The following RASSF3 variants were observed in gnomAD, a reference collection of about 807,000 sequenced individuals.
The protein encoded by RASSF3 is ras association domain-containing protein 3.
RASSF3 carries 19 observed loss-of-function variants against 19.9 expected under a neutral mutation model. The observed-to-expected ratio is 0.96, with a 90% CI of 0.67 to 1.40. The LOEUF (loss-of-function observed/expected upper bound fraction) is 1.40, where lower values mean the gene tolerates loss of function less well. Ranked by LOEUF, RASSF3 falls within the 40% of genes most tolerant of loss-of-function variation. The pLI is 0.00. For synonymous variants in RASSF3, 110 were observed against 104.2 expected, an observed-to-expected ratio of 1.06 and a Z score of -0.34; for missense variants, 306 against 289.8, an observed-to-expected ratio of 1.06 and a Z score of -0.41.
At chr12:64,558,223 A>G (rs1407566209) in intron 2 of RASSF3, among the ~76,000 whole-genome samples, 1 of 152,168 alleles carries the variant, frequency 6.6e-6, no homozygotes, top group East Asian at 1.9e-4. Flanking sequence ...CATTGGGATG[A>G]TGCCTGGGCT....
At chr12:64,561,254 T>C (rs1227942820) in intron 2 of RASSF3, among the ~76,000 whole-genome samples, 4 of 152,166 alleles carry the variant, frequency 2.6e-5, no homozygotes, top group Non-Finnish European at 5.9e-5. Context: ...TTGTGAGTCA[T>C]AGTATAAGGA....
intron 1 of RASSF3, among the ~76,000 whole-genome samples, chr12:64,684,137 A>T (rs1873246415): frequency 6.8e-6 from 1 of 147,248 alleles, no homozygotes; most frequent in Admixed American, 6.8e-5. Flanking sequence ...CCCAGGCTAG[A>T]GCATAGTGGC....
At chr12:64,670,948 C>G (rs1485467047) in intron 1 of RASSF3, among the ~76,000 whole-genome samples, 1 of 152,204 alleles carries the variant, frequency 6.6e-6, no homozygotes, top group Non-Finnish European at 1.5e-5. Flanking sequence ...ATAAATCTCC[C>G]TAAGCCTCTA....
intron 4 of RASSF3, among the ~76,000 whole-genome samples, chr12:64,694,533 T>C (rs554032476): frequency 4.5e-4 from 69 of 152,144 alleles, no homozygotes; most frequent in African/African-American, 1.6e-3. Flanking sequence ...AGGGAGATCG[T>C]CTTGAACAGT....
At chr12:64,564,307 T>C (rs1869393646) in intron 2 of RASSF3, among the ~76,000 whole-genome samples, 1 of 152,202 alleles carries the variant, frequency 6.6e-6, no homozygotes, top group East Asian at 1.9e-4. Flanking sequence ...CTGTACTAAC[T>C]TTATTGGATT....
At chr12:64,606,424 A>G (rs1344465358), upstream of RASSF3, among the ~76,000 whole-genome samples, 2 of 152,252 alleles carry the variant, frequency 1.3e-5, no homozygotes, top group East Asian at 1.9e-4. Context: ...ATCCTATTCT[A>G]TGCCAAGGAC....
intron 1 of RASSF3, among the ~76,000 whole-genome samples, chr12:64,521,899 C>T (rs1360369578): frequency 6.6e-6 from 1 of 152,216 alleles, no homozygotes; most frequent in African/African-American, 2.4e-5. Flanking sequence ...GCTCTCCTCC[C>T]ACCTTCAGAA....
intron 2 of RASSF3, among the ~76,000 whole-genome samples, chr12:64,604,797 C>G (rs1436208610): frequency 6.6e-6 from 1 of 151,016 alleles, no homozygotes; most frequent in Non-Finnish European, 1.5e-5. Flanking sequence ...GCCACCGTGC[C>G]CAGCTAATTT....
chr12:64,684,891 C>T lies in RASSF3; in HGVS notation c.216C>T (p.Thr72=), dbSNP rs576765156. ...NLAVTDKLKM[T]LNSNGIYTGF... is the part of the protein sequence containing the mutation. The stretch of plus-strand genomic sequence containing the variant: ...CAGTCACAGACAAGTTGAAGATGAC[C>T]TTGGTAAGCACTCAAAATACTATTT... The change falls in exon 2 of 5, where the codon ACC becomes ACT. Residue 72 remains threonine, a synonymous_variant. Transcript: ENST00000542104. 51 of 1,584,236 alleles carry T rather than the reference C, an allele frequency of 3.2e-5. 1 individual carries two copies. In the South Asian group the frequency reaches 5.6e-4, roughly 18 times the overall value.
chr12:64,543,294 T>G (rs1868973381), downstream of RASSF3, among the ~76,000 whole-genome samples: 1 of 146,530 alleles, frequency 6.8e-6, no homozygotes, highest in Non-Finnish European at 1.5e-5. Flanking sequence ...CTGCGGAGGG[T>G]GCTTTGGGTC....
chr12:64,604,322 C>T (rs574456023), intron 2 of RASSF3, among the ~76,000 whole-genome samples: 3 of 151,970 alleles, frequency 2.0e-5, no homozygotes, highest in Non-Finnish European at 4.4e-5. Context: ...GACAGGGTTT[C>T]GTGATGTTGT....
In RASSF3 at chr12:64,691,597, A is replaced by G. The variant is rs754984552; in HGVS notation, c.567+18A>G. On this transcript the variant is annotated intron_variant, in intron 4 of 4. Coordinates refer to ENST00000542104, the MANE Select transcript of RASSF3 (RefSeq NM_178169.4). ...TTGGAGAGGTAAGTTATTGTTCACT[A>G]TTGCTTTAAACTATACAGAACAGCT... 1.4e-5 allele frequency: 20 copies of G among 1,388,724 alleles called. No individual in the cohort carries two copies. The South Asian group carries it at 2.1e-4, about 14-fold the overall frequency. The allele number at this position is 1,388,724 out of a possible 1,614,324, so 86.0% of individuals were successfully genotyped here.
At chr12:64,514,520 G>A (rs192691019) in intron 1 of RASSF3, among the ~76,000 whole-genome samples, 6 of 152,026 alleles carry the variant, frequency 3.9e-5, no homozygotes, top group Non-Finnish European at 7.4e-5. Context: ...GTAGTGTTTC[G>A]ATAGGTGCAA....
At chr12:64,617,633 C>T (rs1870596350) in intron 1 of RASSF3, among the ~76,000 whole-genome samples, 1 of 152,206 alleles carries the variant, frequency 6.6e-6, no homozygotes, top group Admixed American at 6.5e-5. Flanking sequence ...TCTCCACTCA[C>T]CGCAACCTCT....
intron 2 of RASSF3, among the ~76,000 whole-genome samples, chr12:64,596,984 C>A (rs1870008261): frequency 4.6e-5 from 7 of 152,250 alleles, no homozygotes; most frequent in Admixed American, 4.6e-4. Flanking sequence ...CCAGGCTGAT[C>A]TCGAACTCTC....
intron 1 of RASSF3, among the ~76,000 whole-genome samples, chr12:64,657,881 A>C (rs1872215164): frequency 6.6e-6 from 1 of 152,164 alleles, no homozygotes; most frequent in Non-Finnish European, 1.5e-5. Context: ...CAAGGAGTTC[A>C]AGACCAGCCT....
chr12:64,543,232 C>G (rs1468358965), downstream of RASSF3, among the ~76,000 whole-genome samples: 2 of 145,734 alleles, frequency 1.4e-5, no homozygotes, highest in African/African-American at 2.5e-5. Flanking sequence ...TTGGAGTGGC[C>G]GGCCGGCGCC....
upstream of RASSF3, among the ~76,000 whole-genome samples, chr12:64,607,776 A>C (rs920949246): frequency 2.6e-5 from 4 of 151,984 alleles, no homozygotes; most frequent in Non-Finnish European, 5.9e-5. Flanking sequence ...TTTTTTTAAG[A>C]GACAGACTCT....
chr12:64,519,438 G>A (rs1467822084), intron 1 of RASSF3, among the ~76,000 whole-genome samples: 1 of 152,104 alleles, frequency 6.6e-6, no homozygotes, highest in African/African-American at 2.4e-5. Context: ...CTTTTAGGAT[G>A]ATAGAAATCA....
Sources: gnomAD v4.1 joint callset for allele counts (sites outside exome capture counted in the v4.1 genomes callset) on GRCh38, gnomAD v4.1.1 for gene constraint, MANE v1.5 for transcripts, NCBI Gene and HGNC (gene_info 2026-07-23, HGNC 2026-07-21) for gene names.